Variants in DISC1 observed in about 807,000 individuals in gnomAD.
DISC1 encodes the protein DISC1 scaffold protein.
DISC1 carries 57 observed loss-of-function variants against 84.5 expected under a neutral mutation model. The observed-to-expected ratio is 0.67, with a 90% CI of 0.55 to 0.84. DISC1 has a LOEUF of 0.84. Among genes scored for constraint, DISC1 ranks in the 40% least tolerant of loss-of-function variants. The pLI is 0.00. For missense variants in DISC1, 1,000 were observed against 1,057.8 expected (o/e 0.95, Z 0.76); for synonymous variants, 411 against 415.2 (o/e 0.99, Z 0.12).
At chr1:231,782,745 C>T (rs2077524262) in intron 6 of DISC1, among the ~76,000 whole-genome samples, 1 of 151,934 alleles carries the variant, frequency 6.6e-6, no homozygotes, top group Non-Finnish European at 1.5e-5. Context: ...TCAGAGCAAC[C>T]TGGCCAACAT....
At chr1:231,902,261 C>CAT (rs2126029730) in intron 9 of DISC1, among the ~76,000 whole-genome samples, 1 of 152,110 alleles carries the variant, frequency 6.6e-6, no homozygotes, top group African/African-American at 2.4e-5. Flanking sequence ...TTCACTTATT[C>CAT]ATATGACAAT....
At chr1:231,951,038 A>C (rs941647642) in intron 9 of DISC1, among the ~76,000 whole-genome samples, 1 of 152,240 alleles carries the variant, frequency 6.6e-6, no homozygotes. Flanking sequence ...TGGAGGCATC[A>C]ACATAGTTCA....
chr1:231,659,265 C>T (rs1270197561), intron 1 of DISC1, among the ~76,000 whole-genome samples: 1 of 152,046 alleles, frequency 6.6e-6, no homozygotes, highest in East Asian at 1.9e-4. Flanking sequence ...AGTCTATGTG[C>T]ATAGAGGTGT....
Position 232,009,602 on chromosome 1 carries a change from T to C in DISC1, c.2307+553T>C, listed in dbSNP as rs897065169. On this transcript the variant is annotated intron_variant, in intron 11 of 12. Coordinates refer to ENST00000439617, the MANE Select transcript of DISC1 (RefSeq NM_018662.3). This position sits in a 1 kb window ranked among gnomAD's most constrained non-coding sequence, Gnocchi z 4.6. ...AATGTTCTTCTTTCATAAACACAAC[T>C]AAAGTTTGGCCTGAGATATATGTAT... is the stretch of plus-strand genomic sequence containing the variant. 1.1e-6 allele frequency: 1 copy of C among 920,510 alleles called. No homozygotes were observed. Among genetic ancestry groups the C allele is most frequent in the African/African-American group, 1.8e-5 (1 of 55,886 alleles). 57.0% of individuals were successfully genotyped at this position (920,510 alleles called of 1,614,324 possible).
At chr1:231,930,158 C>T (rs1175609509) in intron 9 of DISC1, among the ~76,000 whole-genome samples, 5 of 152,218 alleles carry the variant, frequency 3.3e-5, no homozygotes, top group South Asian at 2.1e-4. Flanking sequence ...GAAAATGTTC[C>T]CCTTATTATT....
chr1:231,701,867 A>G, intron 2 of DISC1, 88 bp from the exon 3 acceptor site: 2 of 1,157,800 alleles, frequency 1.7e-6, no homozygotes, highest in Non-Finnish European at 1.2e-6. Flanking sequence ...CAGTTTTGAA[A>G]CAGTTTCTAA....
intron 1 of DISC1, among the ~76,000 whole-genome samples, chr1:231,653,025 C>T (rs1326160224): frequency 2.6e-5 from 4 of 152,278 alleles, no homozygotes; most frequent in South Asian, 2.1e-4. Context: ...GGTGATCTGC[C>T]CGCCTTGGCC....
intron 3 of DISC1, among the ~76,000 whole-genome samples, chr1:231,741,242 A>C (rs1040049051): frequency 6.6e-6 from 1 of 152,216 alleles, no homozygotes; most frequent in Non-Finnish European, 1.5e-5. Flanking sequence ...GAAGGGGACA[A>C]AGCAAAGGAT....
At chr1:232,018,007 A>C (rs1668635518) in intron 11 of DISC1, among the ~76,000 whole-genome samples, 1 of 152,172 alleles carries the variant, frequency 6.6e-6, no homozygotes, top group African/African-American at 2.4e-5. Flanking sequence ...ATTTGTGGCA[A>C]ATCTCCATTG....
chr1:231,763,070 A>C (rs2125410032), intron 4 of DISC1, among the ~76,000 whole-genome samples: 1 of 152,174 alleles, frequency 6.6e-6, no homozygotes, highest in South Asian at 2.1e-4. Context: ...GGACTCAAAC[A>C]ATGGGTGTGT....
chr1:231,849,504 A>G (rs1168862015), intron 9 of DISC1, among the ~76,000 whole-genome samples: 6 of 152,098 alleles, frequency 3.9e-5, no homozygotes, highest in African/African-American at 1.2e-4. Context: ...ACCAGGAGCC[A>G]ATAGCAGGGC....
chr1:231,785,132 C>T (rs2077730206), intron 6 of DISC1, among the ~76,000 whole-genome samples: 2 of 152,098 alleles, frequency 1.3e-5, no homozygotes, highest in South Asian at 4.2e-4. Flanking sequence ...AAGCTGTTTC[C>T]ACAGTCATTT....
At chr1:231,678,540 A>G (rs967828295) in intron 1 of DISC1, among the ~76,000 whole-genome samples, 7 of 152,144 alleles carry the variant, frequency 4.6e-5, no homozygotes, top group Non-Finnish European at 8.8e-5. Flanking sequence ...TATTAGAATG[A>G]ACTTTTCCCC....
At chr1:231,774,231 G>A (rs754799222) in intron 6 of DISC1, among the ~76,000 whole-genome samples, 10 of 151,980 alleles carry the variant, frequency 6.6e-5, no homozygotes, top group Non-Finnish European at 1.3e-4. Flanking sequence ...TCCAGCCAGG[G>A]CAACAGAGCA....
intron 11 of DISC1, among the ~76,000 whole-genome samples, chr1:232,012,476 T>C (rs1188340617): frequency 6.6e-6 from 1 of 152,318 alleles, no homozygotes; most frequent in East Asian, 1.9e-4. Context: ...CTGGGTACTT[T>C]GCATTTATCC....
chr1:231,856,007 A>T (rs2084244066), intron 9 of DISC1, among the ~76,000 whole-genome samples: 1 of 152,222 alleles, frequency 6.6e-6, no homozygotes, highest in South Asian at 2.1e-4. Context: ...TGGCGATGAC[A>T]CTTCTACCTT....
chr1:231,838,417 T>C (rs530705019), intron 9 of DISC1, among the ~76,000 whole-genome samples: 1 of 152,334 alleles, frequency 6.6e-6, no homozygotes, highest in African/African-American at 2.4e-5. Context: ...ATCCTCTTTA[T>C]TGAGAGTGAT....
At chr1:231,753,183 C>T (rs1216104814) in intron 4 of DISC1, among the ~76,000 whole-genome samples, 1 of 152,246 alleles carries the variant, frequency 6.6e-6, no homozygotes, top group Non-Finnish European at 1.5e-5. Flanking sequence ...GGGGTTCCAA[C>T]TCCACATTCC....
At chr1:231,950,055 T>A (rs1241615684) in intron 9 of DISC1, among the ~76,000 whole-genome samples, 1 of 152,228 alleles carries the variant, frequency 6.6e-6, no homozygotes, top group East Asian at 1.9e-4. Flanking sequence ...GCACTCAGTG[T>A]GAGCTCACTT....
Sources: gnomAD v4.1 joint callset for allele counts (sites outside exome capture counted in the v4.1 genomes callset) on GRCh38, gnomAD v4.1.1 for gene constraint, Gnocchi (gnomAD v3.1) non-coding constraint, MANE v1.5 for transcripts, NCBI Gene and HGNC (gene_info 2026-07-23, HGNC 2026-07-21) for gene names.